Variants in ABCD2 observed in about 807,000 individuals in gnomAD.
ABCD2 encodes the protein ATP binding cassette subfamily D member 2.
ABCD2 carries 36 observed loss-of-function variants against 70.9 expected under a neutral mutation model. The observed-to-expected ratio is 0.51, with a 90% CI of 0.39 to 0.67. ABCD2 has a LOEUF of 0.67. Among genes scored for constraint, ABCD2 ranks in the 30% least tolerant of loss-of-function variants. The probability of loss-of-function intolerance (pLI) is 0.00; values close to 1 mark genes in which losing one functional copy is unlikely to be tolerated. For missense variants in ABCD2, 729 were observed against 890.2 expected, an observed-to-expected ratio of 0.82 and a Z score of 2.30; for synonymous variants, 304 against 306.9, an observed-to-expected ratio of 0.99 and a Z score of 0.10.
chr12:39,599,830 G>A (rs1186268507), intron 6 of ABCD2, among the ~76,000 whole-genome samples: 1 of 152,178 alleles, frequency 6.6e-6, no homozygotes, highest in African/African-American at 2.4e-5. Context: ...ACAGTCCTCT[G>A]ACATAGTAGG....
At chr12:39,531,279 C>T in the ABCD2 span, among the ~76,000 whole-genome samples, 1 of 151,996 alleles carries the variant, frequency 6.6e-6, no homozygotes, top group Non-Finnish European at 1.5e-5. Flanking sequence ...TGTTCATGTT[C>T]CTCTAAAATT....
chr12:39,617,893 G>A (rs1267994251), intron 1 of ABCD2, among the ~76,000 whole-genome samples: 4 of 152,094 alleles, frequency 2.6e-5, no homozygotes, highest in Admixed American at 1.3e-4. Flanking sequence ...ATATTCTGAA[G>A]TTACCTTCAT....
rs1298636453 is a variant in ABCD2 at position 39,619,262 on chromosome 12, G to A, written c.354C>T (p.Thr118=). 6.2e-7 allele frequency: 1 copy of A among 1,614,000 alleles called. No individual in the cohort carries two copies. Among genetic ancestry groups the A allele is most frequent in the East Asian group, 2.2e-5 (1 of 44,884 alleles). The change falls in exon 1 of 10, where the codon ACC becomes ACT. Residue 118 remains threonine, a synonymous_variant. Transcript: ENST00000308666. ...CLHSVALISR[T]FLSIYVAGLD... is the part of the protein sequence containing the mutation. ...GACCAGCCACATAGATAGAAAGAAA[G>A]GTTCTTGAGATTAGAGCCACTGAGT...
chr12:39,568,785 T>C (rs938663151), intron 9 of ABCD2, among the ~76,000 whole-genome samples: 2 of 152,168 alleles, frequency 1.3e-5, no homozygotes, highest in South Asian at 2.1e-4. Flanking sequence ...TTGATGATGG[T>C]GATTTACAGA....
At chr12:39,600,236 A>G (rs1330648310) in intron 6 of ABCD2, among the ~76,000 whole-genome samples, 1 of 152,152 alleles carries the variant, frequency 6.6e-6, no homozygotes, top group East Asian at 1.9e-4. Context: ...TCCGGGTGTT[A>G]TTATTTTTCT....
At chr12:39,599,741 A>G (rs966388078) in intron 6 of ABCD2, among the ~76,000 whole-genome samples, 4 of 152,222 alleles carry the variant, frequency 2.6e-5, no homozygotes, top group African/African-American at 9.6e-5. Context: ...GGGACATATG[A>G]GAGCACTATA....
At chr12:39,546,987 C>T (rs191818314), downstream of ABCD2, among the ~76,000 whole-genome samples, 85 of 151,984 alleles carry the variant, frequency 5.6e-4, no homozygotes, top group African/African-American at 1.9e-3. Context: ...GCCTTAAATA[C>T]CATGAAACAA....
chr12:39,576,622 CTAA>C (rs1426864083), intron 8 of ABCD2, among the ~76,000 whole-genome samples: 2 of 152,102 alleles, frequency 1.3e-5, no homozygotes, highest in Non-Finnish European at 2.9e-5. Flanking sequence ...ATGAACACAA[CTAA>C]TAATTTTTCT....
chr12:39,603,177 G>A (rs981734680), intron 5 of ABCD2, among the ~76,000 whole-genome samples: 101 of 152,008 alleles, frequency 6.6e-4, no homozygotes, highest in Middle Eastern at 3.2e-3. Context: ...TCATTAATTA[G>A]CATATGTGTT....
In ABCD2 at chr12:39,581,544, CTG is replaced by C. The variant is rs1310455923; in HGVS notation, c.1793-1927_1793-1926del. Among the ~76,000 whole-genome samples, 4 of 152,206 alleles carry C rather than the reference CTG, an allele frequency of 2.6e-5. No individual in the cohort carries two copies. In the East Asian group the frequency reaches 5.8e-4, roughly 22 times the overall value. On this transcript the variant is annotated intron_variant, in intron 7 of 9. Transcript: ENST00000308666. ...TTAGAGTTCTTGCTTCTAGGGAAAA[CTG>C]TTGAAATAAAACTTTCCCTGTGATT...
At chr12:39,596,239 C>G (rs553758737) in intron 6 of ABCD2, among the ~76,000 whole-genome samples, 1 of 152,298 alleles carries the variant, frequency 6.6e-6, no homozygotes, top group African/African-American at 2.4e-5. Context: ...TTTCAAAACT[C>G]AGGTCAAATG....
Position 39,553,116 on chromosome 12 carries a change from A to G in ABCD2, c.*796T>C, listed in dbSNP as rs1342869212. On this transcript the variant is annotated 3_prime_UTR_variant, in exon 10 of 10. Transcript: ENST00000308666. Reference sequence around the variant, plus strand: ...TAAAATGTAGACTCATCCTTGGGCAAAAAAACAAGCTGTGTATTTCTGAAC... The same window carrying G: ...TAAAATGTAGACTCATCCTTGGGCAGAAAAACAAGCTGTGTATTTCTGAAC... 1.3e-5 allele frequency: 2 copies of G among 151,972 alleles called. No individual in the cohort carries two copies. Among genetic ancestry groups the G allele is most frequent in the Non-Finnish European group, 2.9e-5 (2 of 67,878 alleles). 9.4% of individuals were successfully genotyped at this position (151,972 alleles called of 1,614,324 possible).
chr12:39,539,596 A>T, the ABCD2 span: 1 of 153,032 alleles, frequency 6.5e-6, no homozygotes, highest in Admixed American at 6.5e-5. Flanking sequence ...GGAACACCAG[A>T]ATGCCTAGGA....
intron 9 of ABCD2, among the ~76,000 whole-genome samples, chr12:39,572,024 T>G (rs1359612447): frequency 6.6e-6 from 1 of 152,204 alleles, no homozygotes; most frequent in Non-Finnish European, 1.5e-5. Flanking sequence ...AACATGTTGT[T>G]TTGTTTTGTG....
chr12:39,604,517 G>A (rs893427885), intron 4 of ABCD2, among the ~76,000 whole-genome samples: 5 of 152,054 alleles, frequency 3.3e-5, no homozygotes, highest in African/African-American at 1.2e-4. Flanking sequence ...TATGCCATAT[G>A]TGCAGTTTCC....
At chr12:39,569,459 G>C (rs191761979) in intron 9 of ABCD2, among the ~76,000 whole-genome samples, 1 of 152,336 alleles carries the variant, frequency 6.6e-6, no homozygotes, top group East Asian at 1.9e-4. Context: ...TGTGCCGTTT[G>C]CTAGGACTGT....
the ABCD2 span, chr12:39,539,972 C>A: frequency 1.3e-5 from 2 of 152,236 alleles, no homozygotes; most frequent in African/African-American, 2.4e-5. Context: ...TGACTCAAAT[C>A]CAGGTTCACC....
At chr12:39,603,717 A>G (rs1941931614) in intron 5 of ABCD2, among the ~76,000 whole-genome samples, 195 bp downstream of exon 5, 1 of 152,126 alleles carries the variant, frequency 6.6e-6, no homozygotes, top group Non-Finnish European at 1.5e-5. Flanking sequence ...GCAATAAAGC[A>G]GTAGAAATCA....
intron 9 of ABCD2, among the ~76,000 whole-genome samples, chr12:39,567,442 T>C (rs906311903): frequency 6.6e-6 from 1 of 152,220 alleles, no homozygotes; most frequent in Non-Finnish European, 1.5e-5. Flanking sequence ...TATTAGAGAC[T>C]AGGATTGCAA....
Sources: allele counts gnomAD v4.1 joint callset (sites outside exome capture counted in the v4.1 genomes callset), GRCh38; gene constraint gnomAD v4.1.1; transcripts MANE v1.5; gene names NCBI Gene and HGNC (gene_info 2026-07-23, HGNC 2026-07-21).